Variants in MSRB2 observed in about 807,000 individuals in gnomAD.
MSRB2 encodes the protein methionine sulfoxide reductase B2.
In MSRB2, 17 loss-of-function variants were observed where a neutral mutation model predicts 19.0. That is an observed-to-expected ratio of 0.89 (90% CI 0.61 to 1.34). The LOEUF is 1.34. MSRB2 is among the 40% of genes most tolerant of loss of function. The pLI, the probability that MSRB2 is intolerant of heterozygous loss-of-function variation, is 0.00. For missense variants in MSRB2, 208 were observed against 237.6 expected (o/e 0.88, Z 0.82); for synonymous variants, 107 against 99.7 (o/e 1.07, Z -0.44).
chr10:23,112,937 C>T (rs1034070672), intron 3 of MSRB2, among the ~76,000 whole-genome samples: 26 of 152,172 alleles, frequency 1.7e-4, no homozygotes, highest in Admixed American at 5.2e-4. Context: ...TACATGAATG[C>T]GCTTTTGATC....
At chr10:23,117,418 CT>C (rs896621911) in intron 3 of MSRB2, among the ~76,000 whole-genome samples, 5 of 152,034 alleles carry the variant, frequency 3.3e-5, no homozygotes, top group African/African-American at 1.2e-4. Flanking sequence ...ATTCAGTTGT[CT>C]TTTTTTTAAG....
intron 3 of MSRB2, among the ~76,000 whole-genome samples, chr10:23,115,018 G>A (rs1031978390): frequency 2.6e-5 from 4 of 152,140 alleles, no homozygotes; most frequent in Admixed American, 2.0e-4. Flanking sequence ...CCTTTCCAGA[G>A]CCTTGTTCCC....
chr10:23,103,423 T>C (rs527944111), intron 1 of MSRB2, among the ~76,000 whole-genome samples: 1 of 152,330 alleles, frequency 6.6e-6, no homozygotes, highest in Admixed American at 6.5e-5. Context: ...ACATTTATTA[T>C]AGGAGTTGGG....
chr10:23,106,336 G>A (rs1262611653), intron 2 of MSRB2, among the ~76,000 whole-genome samples: 1 of 152,086 alleles, frequency 6.6e-6, no homozygotes, highest in African/African-American at 2.4e-5. Context: ...ATTCCCTCCC[G>A]CATGTTTTTT....
At chr10:23,110,121 C>A in intron 2 of MSRB2, 121 bp from the exon 3 acceptor site, 1 of 709,882 alleles carries the variant, frequency 1.4e-6, no homozygotes, top group Non-Finnish European at 2.4e-6. Flanking sequence ...GTTATTTGCA[C>A]TTCGTCAAAT....
intron 3 of MSRB2, among the ~76,000 whole-genome samples, chr10:23,116,462 A>C (rs985225716): frequency 1.3e-5 from 2 of 152,218 alleles, no homozygotes; most frequent in Non-Finnish European, 2.9e-5. Context: ...CATATTGAAC[A>C]AACATGCATG....
rs781397961 is a variant in MSRB2, at chr10:23,105,216, G to A, written c.219+972G>A. Among the ~76,000 whole-genome samples, 71 of 107,378 alleles carry A rather than the reference G, an allele frequency of 6.6e-4. 2 individuals carry two copies. The highest frequency in any genetic ancestry group is 8.4e-4 in the Admixed American group (10 of 11,892). 70.4% of individuals were successfully genotyped at this position (107,378 alleles called of 152,430 possible). On this transcript the variant is annotated intron_variant, in intron 2 of 4. Transcript: ENST00000376510. ...TATCTCTCTCTCTCTGTGTGTCTGT[G>A]TGTGTGTGTGTGTGTGTGTGTGTGT...
chr10:23,096,352 C>CTCTCTCTCTCTGTGTGTGTGTGTG (rs144653384), intron 1 of MSRB2, among the ~76,000 whole-genome samples: 1 of 142,832 alleles, frequency 7.0e-6, no homozygotes, highest in African/African-American at 2.7e-5. Context: ...CTCTCTCTCT[C>CTCTCTCTCTCTGTGTGTGTGTGTG]TGTGTGTGTG....
At chr10:23,120,245 G>C (rs748960001) in intron 4 of MSRB2, among the ~76,000 whole-genome samples, 5 of 152,192 alleles carry the variant, frequency 3.3e-5, no homozygotes, top group African/African-American at 4.8e-5. Context: ...AGCCCCGTAG[G>C]AGAGAGTGGC....
intron 2 of MSRB2, among the ~76,000 whole-genome samples, chr10:23,106,827 C>A (rs1437164743): frequency 6.6e-6 from 1 of 152,174 alleles, no homozygotes; most frequent in East Asian, 1.9e-4. Context: ...TCCATTGGCC[C>A]CGTCTGCACC....
chr10:23,116,094 G>T (rs1005125811), intron 3 of MSRB2, among the ~76,000 whole-genome samples: 9 of 152,000 alleles, frequency 5.9e-5, no homozygotes, highest in Non-Finnish European at 8.8e-5. Context: ...TAGATTTCTG[G>T]TATTAATAAT....
chr10:23,103,641 C>A (rs929243130), intron 1 of MSRB2, among the ~76,000 whole-genome samples: 7 of 152,098 alleles, frequency 4.6e-5, no homozygotes, highest in Non-Finnish European at 1.0e-4. Flanking sequence ...TTGTTCCATG[C>A]AAGAAGATTT....
At chr10:23,118,038 A>G (rs1432984134) in intron 3 of MSRB2, among the ~76,000 whole-genome samples, 1 of 152,242 alleles carries the variant, frequency 6.6e-6, no homozygotes, top group African/African-American at 2.4e-5. Context: ...CATTTCAGAT[A>G]AGGGGCACTC....
chr10:23,102,895 C>T (rs539903476), intron 1 of MSRB2, among the ~76,000 whole-genome samples: 2 of 152,200 alleles, frequency 1.3e-5, no homozygotes, highest in South Asian at 2.1e-4. Context: ...CCCAAAGTGT[C>T]GAATACCCCA....
At chr10:23,107,115 G>C (rs1839994166) in intron 2 of MSRB2, among the ~76,000 whole-genome samples, 1 of 152,216 alleles carries the variant, frequency 6.6e-6, no homozygotes, top group South Asian at 2.1e-4. Context: ...CTCCAGGCCT[G>C]CATGTGTGAT....
At chr10:23,095,853 GCCCCTC>G in intron 1 of MSRB2, 127 bp downstream of exon 1, 1 of 508,464 alleles carries the variant, frequency 2.0e-6, no homozygotes, top group Non-Finnish European at 2.9e-6. Context: ...TCCTCGGCGC[GCCCCTC>G]CCCCCCCCCA....
intron 3 of MSRB2, among the ~76,000 whole-genome samples, chr10:23,112,904 A>G (rs1279002721): frequency 6.6e-6 from 1 of 152,222 alleles, no homozygotes; most frequent in African/African-American, 2.4e-5. Context: ...GTTCTTAAGC[A>G]ATAGATCCCT....
At chr10:23,096,348 C>CTG (rs1471780853) in intron 1 of MSRB2, among the ~76,000 whole-genome samples, 1 of 58,420 alleles carries the variant, frequency 1.7e-5, no homozygotes, top group Non-Finnish European at 3.5e-5. Context: ...GTCTCTCTCT[C>CTG]TCTCTGTGTG....
intron 3 of MSRB2, among the ~76,000 whole-genome samples, chr10:23,112,619 C>T (rs776039525): frequency 2.0e-5 from 3 of 152,194 alleles, no homozygotes; most frequent in Admixed American, 6.5e-5. Flanking sequence ...GATGGAGTCT[C>T]GCTCTGTCGC....
Sources: allele counts gnomAD v4.1 joint callset (sites outside exome capture counted in the v4.1 genomes callset), GRCh38; gene constraint gnomAD v4.1.1; transcripts MANE v1.5; gene names NCBI Gene and HGNC (gene_info 2026-07-23, HGNC 2026-07-21).